The following PRKAG2 variants were observed in gnomAD, a reference collection of about 807,000 sequenced individuals.
PRKAG2 encodes the protein protein kinase AMP-activated non-catalytic subunit gamma 2.
PRKAG2 carries 26 observed loss-of-function variants against 69.6 expected under a neutral mutation model. The ratio of observed to expected loss-of-function variants is 0.37; its 90% CI spans 0.27 to 0.52. The LOEUF is 0.52. PRKAG2 is among the 20% of genes least tolerant of loss of function. The probability of loss-of-function intolerance (pLI) is 0.90; values close to 1 mark genes in which losing one functional copy is unlikely to be tolerated. For missense variants in PRKAG2, 557 were observed against 740.0 expected (o/e 0.75, Z 2.87); for synonymous variants, 293 against 285.0 (o/e 1.03, Z -0.28).
chr7:151,808,499 A>G (rs2078236759), intron 1 of PRKAG2, among the ~76,000 whole-genome samples: 2 of 152,096 alleles, frequency 1.3e-5, no homozygotes, highest in Non-Finnish European at 2.9e-5. Context: ...CAAAGTGCAC[A>G]CAAGGCATGG....
At chr7:151,871,517 G>A (rs1168752628) in intron 1 of PRKAG2, among the ~76,000 whole-genome samples, 2 of 152,164 alleles carry the variant, frequency 1.3e-5, no homozygotes, top group Non-Finnish European at 2.9e-5. Context: ...GCCCATAAAG[G>A]TGACCCAAAA....
At chr7:151,806,836 G>A (rs1244450181) in intron 1 of PRKAG2, 4 of 376,968 alleles carry the variant, frequency 1.1e-5, no homozygotes, top group Non-Finnish European at 2.1e-5. Context: ...GCGTGTTGGT[G>A]CATGCTGTAG....
At chr7:151,866,430 C>G (rs969033232) in intron 1 of PRKAG2, among the ~76,000 whole-genome samples, 3 of 152,212 alleles carry the variant, frequency 2.0e-5, no homozygotes, top group Non-Finnish European at 4.4e-5. Context: ...TCACATATTA[C>G]TTTAGAGATA....
chr7:151,841,806 G>A (rs1384786872), intron 1 of PRKAG2, among the ~76,000 whole-genome samples: 3 of 150,164 alleles, frequency 2.0e-5, no homozygotes, highest in African/African-American at 4.9e-5. Flanking sequence ...GGTAGTAATA[G>A]TAGTGATGGT....
rs183138583 is a variant in PRKAG2, at chr7:151,686,531, G to A, written c.467-10894C>T. On this transcript the variant is annotated intron_variant, in intron 3 of 15. Transcript: ENST00000287878. ...GATGCCTCGTCCCCGGGTACCAGGC[G>A]TTTATGCAGCTGCCGGCCAGGCCAG... Among the ~76,000 whole-genome samples, 176 of 152,266 alleles carry A rather than the reference G, an allele frequency of 1.2e-3. 1 individual carries two copies. The Middle Eastern group carries it at 0.017, about 15-fold the overall frequency.
chr7:151,694,605 C>A (rs1018592152), intron 3 of PRKAG2, among the ~76,000 whole-genome samples: 4 of 152,224 alleles, frequency 2.6e-5, no homozygotes, highest in Admixed American at 2.0e-4. Flanking sequence ...GGTTCATCCA[C>A]AAGGCAGCAC....
chr7:151,649,002 T>C (rs1353317267), intron 4 of PRKAG2, among the ~76,000 whole-genome samples: 2 of 152,158 alleles, frequency 1.3e-5, no homozygotes, highest in Non-Finnish European at 2.9e-5. Context: ...GTCATTCATA[T>C]GGGATATGAG....
intron 5 of PRKAG2, among the ~76,000 whole-genome samples, chr7:151,597,563 TCAAA>T (rs149805282): frequency 0.015 from 2,350 of 152,142 alleles, 50 homozygotes; most frequent in African/African-American, 0.054. Context: ...GATTAGGAAC[TCAAA>T]CAACTCAACA....
chr7:151,619,916 G>C (rs1173952827), intron 5 of PRKAG2, among the ~76,000 whole-genome samples: 1 of 152,192 alleles, frequency 6.6e-6, no homozygotes, highest in Non-Finnish European at 1.5e-5. Flanking sequence ...AGCTACTCGG[G>C]AGGCTGAGGC....
chr7:151,647,347 T>C (rs1827739324), intron 4 of PRKAG2, among the ~76,000 whole-genome samples: 1 of 152,204 alleles, frequency 6.6e-6, no homozygotes, highest in Non-Finnish European at 1.5e-5. Flanking sequence ...TAGGTAACAT[T>C]TGGGTATTCA....
chr7:151,715,054 T>C (rs78794442), intron 3 of PRKAG2, among the ~76,000 whole-genome samples: 54,538 of 147,990 alleles, frequency 0.37, 11,519 homozygotes, highest in East Asian at 0.83. Flanking sequence ...TCGCTCTTGT[T>C]GCCCAGGCTG....
intron 5 of PRKAG2, among the ~76,000 whole-genome samples, chr7:151,611,669 A>G (rs1176419918): frequency 6.6e-6 from 1 of 152,176 alleles, no homozygotes; most frequent in Non-Finnish European, 1.5e-5. Context: ...AGCTGGAAAC[A>G]CAACAGCTTT....
At position 151,595,228 on chromosome 7, in the gene PRKAG2, C is replaced by T. The variant is rs377388266; in HGVS notation, c.864+117G>A. On this transcript the variant is annotated intron_variant, in intron 6 of 15. Transcript: ENST00000287878. ...ATTCAGATAAAACCTCAGCACAGTG[C>T]CCGATAGTGCAAAGGACTCAATAAA... 25 of 734,110 alleles carry T rather than the reference C, an allele frequency of 3.4e-5. No homozygotes were observed. In the African/African-American group the frequency reaches 3.8e-4, roughly 11 times the overall value. 45.5% of individuals were successfully genotyped at this position (734,110 alleles called of 1,614,324 possible).
At chr7:151,676,225 G>A (rs1412529127) in intron 3 of PRKAG2, among the ~76,000 whole-genome samples, 1 of 146,014 alleles carries the variant, frequency 6.8e-6, no homozygotes, top group Non-Finnish European at 1.5e-5. Context: ...CAGAAGCCAT[G>A]GGACCATGTA....
chr7:151,705,838 C>T lies in PRKAG2; in HGVS notation c.467-30201G>A, dbSNP rs541501188. Reference sequence around the variant, plus strand: ...TCCTTGTAGAAATCTCATAAGTGGCCCTTCTTAGCCGATCTCATCTCACCC... The same window carrying T: ...TCCTTGTAGAAATCTCATAAGTGGCTCTTCTTAGCCGATCTCATCTCACCC... On this transcript the variant is annotated intron_variant, in intron 3 of 15. Coordinates refer to ENST00000287878, the MANE Select transcript of PRKAG2 (RefSeq NM_016203.4). Among the ~76,000 whole-genome samples, 14 of 152,090 alleles carry T rather than the reference C, an allele frequency of 9.2e-5. No homozygotes were observed. The South Asian group carries it at 1.7e-3, about 18-fold the overall frequency.
intron 6 of PRKAG2, among the ~76,000 whole-genome samples, chr7:151,587,350 G>A (rs1811933081): frequency 6.6e-6 from 1 of 152,158 alleles, no homozygotes; most frequent in Admixed American, 6.5e-5. Context: ...AATCTCCCTT[G>A]CAGAAAAATC....
chr7:151,676,290 T>C (rs1446703067), intron 3 of PRKAG2, among the ~76,000 whole-genome samples: 1 of 150,758 alleles, frequency 6.6e-6, no homozygotes, highest in Admixed American at 6.6e-5. Context: ...AGGGGATGGA[T>C]GTGTTATTCC....
At chr7:151,572,613 A>G in intron 9 of PRKAG2, 51 bp downstream of exon 9, 1 of 1,339,710 alleles carries the variant, frequency 7.5e-7, no homozygotes, top group Non-Finnish European at 1.1e-6. Context: ...TTTTCATACT[A>G]AACATAGCTT....
intron 1 of PRKAG2, among the ~76,000 whole-genome samples, chr7:151,871,675 G>A (rs1410858189): frequency 6.6e-6 from 1 of 152,182 alleles, no homozygotes; most frequent in Non-Finnish European, 1.5e-5. Context: ...CTACCCACTG[G>A]CCCTAGGCTG....
Sources: gnomAD v4.1 joint callset for allele counts (sites outside exome capture counted in the v4.1 genomes callset) on GRCh38, gnomAD v4.1.1 for gene constraint, MANE v1.5 for transcripts, NCBI Gene and HGNC (gene_info 2026-07-23, HGNC 2026-07-21) for gene names.